Variants in QTMAN observed in about 807,000 individuals in gnomAD.
QTMAN encodes the protein queuosine-tRNA mannosyltransferase, also known as tRNA-queuosine alpha-mannosyltransferase.
At chr2:144,158,816 G>GTAA in the QTMAN span, among the ~76,000 whole-genome samples, 1 of 152,012 alleles carries the variant, frequency 6.6e-6, no homozygotes, top group Admixed American at 6.6e-5. Context: ...GTGCATTACT[G>GTAA]TAATGATGAT....
chr2:144,174,667 C>G, the QTMAN span, among the ~76,000 whole-genome samples: 1 of 152,258 alleles, frequency 6.6e-6, no homozygotes, highest in Admixed American at 6.5e-5. Flanking sequence ...TTTTCCCATG[C>G]TATTCTCATG....
At chr2:144,073,654 G>A in the QTMAN span, among the ~76,000 whole-genome samples, 1 of 152,054 alleles carries the variant, frequency 6.6e-6, no homozygotes, top group African/African-American at 2.4e-5. Context: ...ATAACATAAC[G>A]TTTGAAAAAA....
chr2:144,229,488 A>G, the QTMAN span, among the ~76,000 whole-genome samples: 2 of 152,068 alleles, frequency 1.3e-5, no homozygotes, highest in Middle Eastern at 3.2e-3. Context: ...TAGGATTTCA[A>G]CTTCAAATCT....
At chr2:144,052,069 T>C in the QTMAN span, among the ~76,000 whole-genome samples, 1 of 152,122 alleles carries the variant, frequency 6.6e-6, no homozygotes, top group African/African-American at 2.4e-5. Flanking sequence ...TGAGTTGTCT[T>C]GTTCACTGCT....
chr2:144,022,048 G>A, the QTMAN span, among the ~76,000 whole-genome samples: 1 of 152,124 alleles, frequency 6.6e-6, no homozygotes, highest in African/African-American at 2.4e-5. Flanking sequence ...AGGGAGGACT[G>A]AGGAAGAAGA....
the QTMAN span, among the ~76,000 whole-genome samples, chr2:144,331,633 A>G: frequency 6.6e-5 from 10 of 152,190 alleles, no homozygotes; most frequent in African/African-American, 2.4e-4. Flanking sequence ...GAAGACTCTA[A>G]AAGTTGTATG....
the QTMAN span, among the ~76,000 whole-genome samples, chr2:143,982,101 G>A: frequency 1.3e-5 from 2 of 152,118 alleles, no homozygotes; most frequent in Admixed American, 6.6e-5. Flanking sequence ...ATAACATCAC[G>A]TGCTATAAAT....
the QTMAN span, among the ~76,000 whole-genome samples, chr2:144,316,028 T>C: frequency 6.6e-6 from 1 of 152,156 alleles, no homozygotes; most frequent in Non-Finnish European, 1.5e-5. Context: ...CACAGTTGCC[T>C]TTTGTATTTA....
At chr2:143,991,948 G>A in the QTMAN span, among the ~76,000 whole-genome samples, 2 of 151,686 alleles carry the variant, frequency 1.3e-5, no homozygotes, top group Non-Finnish European at 2.9e-5. Flanking sequence ...CACCTCTTCC[G>A]GGAGGTGAGG....
At chr2:144,265,690 G>T in the QTMAN span, among the ~76,000 whole-genome samples, 1 of 152,028 alleles carries the variant, frequency 6.6e-6, no homozygotes, top group Non-Finnish European at 1.5e-5. Context: ...GCGAGACTCC[G>T]TCTCAACAAA....
chr2:144,107,108 T>C, the QTMAN span, among the ~76,000 whole-genome samples: 8 of 152,148 alleles, frequency 5.3e-5, no homozygotes, highest in African/African-American at 1.7e-4. Flanking sequence ...TTTAAAGCAG[T>C]GTGTAAAGGG....
the QTMAN span, among the ~76,000 whole-genome samples, chr2:144,042,706 G>A: frequency 6.7e-6 from 1 of 150,142 alleles, no homozygotes; most frequent in African/African-American, 2.5e-5. Context: ...GGAGCTTGCA[G>A]TGAGCCGAGA....
At chr2:144,233,867 T>G in the QTMAN span, among the ~76,000 whole-genome samples, 19 of 152,236 alleles carry the variant, frequency 1.2e-4, no homozygotes, top group Non-Finnish European at 1.0e-4. Flanking sequence ...GATTAACATT[T>G]TTTAAAAAAC....
At chr2:144,000,559 T>TCATTATTCCTA in the QTMAN span, among the ~76,000 whole-genome samples, 1 of 152,074 alleles carries the variant, frequency 6.6e-6, no homozygotes, top group East Asian at 1.9e-4. Flanking sequence ...GAGCTATTGG[T>TCATTATTCCTA]CATTATTCCT....
chr2:144,285,229 T>C, the QTMAN span, among the ~76,000 whole-genome samples: 3 of 152,208 alleles, frequency 2.0e-5, no homozygotes, highest in Non-Finnish European at 4.4e-5. Flanking sequence ...CTCTAAATCC[T>C]TCCAGTCACA....
chr2:144,196,021 T>C, the QTMAN span, among the ~76,000 whole-genome samples: 3 of 152,116 alleles, frequency 2.0e-5, no homozygotes, highest in Non-Finnish European at 2.9e-5. Context: ...TCTTACAAAA[T>C]AGTATAGAAA....
chr2:143,944,506 G>T, the QTMAN span: 1 of 152,000 alleles, frequency 6.6e-6, no homozygotes, highest in African/African-American at 2.4e-5. Flanking sequence ...GCAGTGGCAC[G>T]ATCTCGGCTC....
the QTMAN span, among the ~76,000 whole-genome samples, chr2:144,215,386 C>T: frequency 6.6e-6 from 1 of 151,692 alleles, no homozygotes. Flanking sequence ...ACTCCACAAG[C>T]ATCAAATGCA....
chr2:143,970,018 T>C, the QTMAN span, among the ~76,000 whole-genome samples: 1 of 152,220 alleles, frequency 6.6e-6, no homozygotes, highest in African/African-American at 2.4e-5. Context: ...AATACTTGTA[T>C]AACTTGTGTG....
Sources: gnomAD v4.1 joint callset for allele counts (sites outside exome capture counted in the v4.1 genomes callset) on GRCh38, gnomAD v4.1.1 for gene constraint, MANE v1.5 for transcripts, NCBI Gene and HGNC (gene_info 2026-07-23, HGNC 2026-07-21) for gene names.